PNPLA8: variants seen among roughly 807,000 people sequenced by gnomAD.
The protein encoded by PNPLA8 is patatin like domain 8, phospholipase A2.
A neutral mutation model predicts 76.9 loss-of-function variants in PNPLA8; 39 were observed. The observed-to-expected ratio is 0.51, with a 90% CI of 0.39 to 0.66. The LOEUF (loss-of-function observed/expected upper bound fraction) is 0.66. Among genes scored for constraint, PNPLA8 ranks in the 30% least tolerant of loss-of-function variants. The pLI, the probability that PNPLA8 is intolerant of heterozygous loss-of-function variation, is 0.00. For missense variants in PNPLA8, 887 were observed against 918.0 expected, an observed-to-expected ratio of 0.97 and a Z score of 0.44; for synonymous variants, 301 against 307.9, an observed-to-expected ratio of 0.98 and a Z score of 0.24.
chr7:108,489,834 A>G (rs1256390489), intron 8 of PNPLA8, among the ~76,000 whole-genome samples: 1 of 152,246 alleles, frequency 6.6e-6, no homozygotes, highest in African/African-American at 2.4e-5. Context: ...TTCTTTAAAC[A>G]AGTAATATTA....
In PNPLA8 at chr7:108,472,239, T is replaced by C. The variant is rs768549991; in HGVS notation, c.*162A>G. 4 of 522,964 alleles carry C rather than the reference T, an allele frequency of 7.6e-6. No individual in the cohort carries two copies. Among genetic ancestry groups the C allele is most frequent in the Admixed American group, 4.0e-5 (1 of 25,078 alleles). 32.4% of individuals were successfully genotyped at this position (522,964 alleles called of 1,614,324 possible). ...CATATGAATTCTGTAACCAAGAATA[T>C]TCTCTGTGCTATGCAAGCTGGTTGA... On this transcript the variant is annotated 3_prime_UTR_variant, in exon 11 of 11. Coordinates refer to ENST00000257694, the MANE Select transcript of PNPLA8 (RefSeq NM_001256007.3).
At chr7:108,523,052 T>G (rs1863853900) in intron 1 of PNPLA8, among the ~76,000 whole-genome samples, 1 of 152,084 alleles carries the variant, frequency 6.6e-6, no homozygotes, top group Admixed American at 6.5e-5. Context: ...GAATGTAAAG[T>G]GAGATGCTAT....
chr7:108,510,904 C>T (rs1598950770), intron 4 of PNPLA8: 1 of 1,588,710 alleles, frequency 6.3e-7, no homozygotes. Context: ...AAAAGACCAC[C>T]CATTTTGTAG....
intron 2 of PNPLA8, among the ~76,000 whole-genome samples, chr7:108,519,928 T>C (rs962201191): frequency 6.6e-6 from 1 of 152,110 alleles, no homozygotes; most frequent in Admixed American, 6.5e-5. Flanking sequence ...GCTCATTCAG[T>C]TTTCAAAGAG....
chr7:108,485,872 T>A (rs187390794), intron 9 of PNPLA8, among the ~76,000 whole-genome samples: 135 of 152,194 alleles, frequency 8.9e-4, no homozygotes, highest in African/African-American at 3.1e-3. Context: ...TTCTGAAGCT[T>A]ATTGATTTAT....
At chr7:108,481,857 A>C (rs1331349039) in intron 9 of PNPLA8, among the ~76,000 whole-genome samples, 1 of 152,178 alleles carries the variant, frequency 6.6e-6, no homozygotes, top group Non-Finnish European at 1.5e-5. Context: ...TGTGAGGCTT[A>C]GGTCACAATT....
chr7:108,494,027 G>C (rs1861388818), intron 7 of PNPLA8, among the ~76,000 whole-genome samples: 1 of 151,708 alleles, frequency 6.6e-6, no homozygotes. Flanking sequence ...TTTCAAATCA[G>C]TTAAATAAAT....
intron 2 of PNPLA8, among the ~76,000 whole-genome samples, chr7:108,520,025 A>C (rs890016333): frequency 6.6e-6 from 1 of 152,084 alleles, no homozygotes; most frequent in African/African-American, 2.4e-5. Flanking sequence ...AATTACCTCC[A>C]TTCACCATCT....
intron 1 of PNPLA8, among the ~76,000 whole-genome samples, chr7:108,522,458 A>G (rs40888): frequency 0.048 from 7,323 of 152,188 alleles, 571 homozygotes; most frequent in African/African-American, 0.17. Context: ...ACCAACCGCC[A>G]ATTAGAAAAT....
intron 5 of PNPLA8, among the ~76,000 whole-genome samples, chr7:108,501,609 G>C (rs1165371597): frequency 6.6e-6 from 1 of 152,030 alleles, no homozygotes; most frequent in Non-Finnish European, 1.5e-5. Flanking sequence ...GTTTACCTGA[G>C]GTCAGGAGTT....
rs748451193 is a variant in PNPLA8 at position 108,515,057 on chromosome 7, T to C, written c.435A>G (p.Leu145=). ...ILRKVSDSGW[L]KQKNIKQAIK... The stretch of plus-strand genomic sequence containing the variant: ...TGGCTTGTTTGATGTTTTTCTGTTT[T>C]AACCAGCCACTATCCGATACTTTTC... The change falls in exon 3 of 11, where the codon TTA becomes TTG. Residue 145 remains leucine, a synonymous_variant. Transcript: ENST00000257694. 1.2e-6 allele frequency: 2 copies of C among 1,608,314 alleles called. No homozygotes were observed. Among genetic ancestry groups the C allele is most frequent in the Non-Finnish European group, 1.7e-6 (2 of 1,179,782 alleles).
intron 10 of PNPLA8, among the ~76,000 whole-genome samples, chr7:108,475,113 G>C (rs1859896095): frequency 6.6e-6 from 1 of 152,076 alleles, no homozygotes; most frequent in Non-Finnish European, 1.5e-5. Flanking sequence ...TAGGTTGCGT[G>C]CTCCTTAGGT....
At chr7:108,496,884 G>A in intron 6 of PNPLA8, 129 bp from the exon 7 acceptor site, 2 of 693,626 alleles carry the variant, frequency 2.9e-6, no homozygotes, top group Admixed American at 3.7e-5. Context: ...TGGGACAAAT[G>A]ACTTTCCTTC....
intron 2 of PNPLA8, among the ~76,000 whole-genome samples, chr7:108,518,992 A>C (rs2154517040): frequency 6.6e-6 from 1 of 151,788 alleles, no homozygotes; most frequent in South Asian, 2.1e-4. Flanking sequence ...AATTAGAAAA[A>C]GCAAAATATT....
At chr7:108,517,728 AT>A (rs1863441066) in intron 2 of PNPLA8, among the ~76,000 whole-genome samples, 1 of 152,188 alleles carries the variant, frequency 6.6e-6, no homozygotes, top group Non-Finnish European at 1.5e-5. Context: ...ACAAAATCCC[AT>A]AAACTGGGGA....
intron 1 of PNPLA8, among the ~76,000 whole-genome samples, chr7:108,523,744 A>T (rs1038671837): frequency 2.0e-5 from 3 of 152,138 alleles, no homozygotes; most frequent in Non-Finnish European, 4.4e-5. Context: ...GTTGTCGGTA[A>T]ATTTTTCTTA....
At chr7:108,475,485 T>A (rs1419989373) in intron 10 of PNPLA8, among the ~76,000 whole-genome samples, 1 of 152,136 alleles carries the variant, frequency 6.6e-6, no homozygotes, top group Non-Finnish European at 1.5e-5. Context: ...TTGACAGGAA[T>A]TGTATTGAAT....
chr7:108,483,053 C>T (rs1387753699), intron 9 of PNPLA8, among the ~76,000 whole-genome samples: 1 of 152,178 alleles, frequency 6.6e-6, no homozygotes, highest in African/African-American at 2.4e-5. Context: ...ATTTTGCAAA[C>T]CACAGATTAT....
Position 108,514,291 on chromosome 7 carries a change from A to G in PNPLA8, c.1059T>C (p.Ile353=). The G allele has an allele frequency of 6.2e-7, 1 of 1,608,180 alleles. No homozygotes were observed. The highest frequency in any genetic ancestry group is 8.5e-7 in the Non-Finnish European group (1 of 1,176,520). ...TGTTATCAATACTCACCCTTGCGAT[A>G]ATCTACAAAGACATATTAAATAGAT... ...KKRLSLQREK[I]IARVSIDNRT... Residue 353 remains isoleucine (I), a splice_region_variant and synonymous_variant, in exon 4 of 11, where the codon ATT becomes ATC. Coordinates refer to ENST00000257694, the MANE Select transcript of PNPLA8 (RefSeq NM_001256007.3).
Sources: allele counts gnomAD v4.1 joint callset (sites outside exome capture counted in the v4.1 genomes callset), GRCh38; gene constraint gnomAD v4.1.1; transcripts MANE v1.5; gene names NCBI Gene and HGNC (gene_info 2026-07-23, HGNC 2026-07-21).